The following SNCAIP variants were observed in gnomAD, a reference collection of about 807,000 sequenced individuals.
SNCAIP encodes synuclein alpha interacting protein.
In SNCAIP, 43 loss-of-function variants were observed where a neutral mutation model predicts 86.7. The ratio of observed to expected loss-of-function variants is 0.50; its 90% CI spans 0.39 to 0.64. SNCAIP has a LOEUF of 0.64. SNCAIP is among the 30% of genes least tolerant of loss of function. SNCAIP has a pLI of 0.00. For synonymous variants in SNCAIP, 417 were observed against 427.2 expected (o/e 0.98, Z 0.29); for missense variants, 981 against 1,103.1 (o/e 0.89, Z 1.57).
At chr5:122,359,005 G>A (rs1232486488) in intron 1 of SNCAIP, among the ~76,000 whole-genome samples, 1 of 151,314 alleles carries the variant, frequency 6.6e-6, no homozygotes, top group African/African-American at 2.4e-5. Flanking sequence ...CTTTTTAATG[G>A]TTTCTTAAAT....
intron 1 of SNCAIP, among the ~76,000 whole-genome samples, chr5:122,378,632 T>C (rs1251880650): frequency 7.2e-6 from 1 of 138,328 alleles, no homozygotes; most frequent in East Asian, 2.2e-4. Context: ...ATGTCCTGAA[T>C]GGTAATGCCT....
chr5:122,451,672 G>A lies in SNCAIP; in HGVS notation c.2754+71G>A, dbSNP rs140211426. The A allele has an allele frequency of 8.1e-5, 96 of 1,187,438 alleles. No homozygotes were observed. The African/African-American group carries it at 1.2e-3, about 14-fold the overall frequency. 73.6% of individuals were successfully genotyped at this position (1,187,438 alleles called of 1,614,324 possible). A position where few individuals can be genotyped will look rare whatever the true frequency, so the allele number is the denominator to read the frequency against. Reference sequence around the variant, plus strand: ...TATGTTGTTCCTAATATCACAGATTGTGGGCCCACACTACCTTGAGGGAAT... The same window carrying A: ...TATGTTGTTCCTAATATCACAGATTATGGGCCCACACTACCTTGAGGGAAT... On this transcript the variant is annotated intron_variant, in intron 10 of 10. Transcript: ENST00000261368.
chr5:122,418,969 T>G (rs547229492), intron 3 of SNCAIP, among the ~76,000 whole-genome samples: 1 of 152,060 alleles, frequency 6.6e-6, no homozygotes, highest in Admixed American at 6.5e-5. Context: ...TTAGTGATGA[T>G]GAAGAGGGCC....
intron 1 of SNCAIP, among the ~76,000 whole-genome samples, chr5:122,359,349 TTTTATTTATTTA>T (rs10528513): frequency 2.8e-5 from 4 of 142,182 alleles, no homozygotes; most frequent in South Asian, 2.3e-4. Flanking sequence ...AGATTTTTAT[TTTTATTTATTTA>T]TTTATTTATT....
intron 1 of SNCAIP, among the ~76,000 whole-genome samples, chr5:122,363,843 G>A (rs558345767): frequency 1.1e-4 from 16 of 149,030 alleles, no homozygotes; most frequent in Non-Finnish European, 2.1e-4. Context: ...TATTTTTAGA[G>A]ACAGGGTCTT....
chr5:122,427,952 C>A (rs1016757770), intron 5 of SNCAIP, among the ~76,000 whole-genome samples: 23 of 152,116 alleles, frequency 1.5e-4, no homozygotes, highest in African/African-American at 5.3e-4. Flanking sequence ...AATTTATTCA[C>A]CACTTCTGGG....
intron 1 of SNCAIP, among the ~76,000 whole-genome samples, chr5:122,370,988 T>C (rs1174996192): frequency 1.3e-5 from 2 of 152,126 alleles, no homozygotes; most frequent in African/African-American, 2.4e-5. Context: ...GCCTGCTGTT[T>C]AGAGTTTTTC....
intron 1 of SNCAIP, among the ~76,000 whole-genome samples, chr5:122,352,679 A>G (rs978795270): frequency 1.3e-5 from 2 of 152,208 alleles, no homozygotes; most frequent in Admixed American, 6.5e-5. Context: ...TTGGTTGTCC[A>G]TAGTCAATAT....
At chr5:122,462,397 A>G (rs1027819671) in intron 10 of SNCAIP, among the ~76,000 whole-genome samples, 9 of 151,626 alleles carry the variant, frequency 5.9e-5, no homozygotes, top group Non-Finnish European at 1.0e-4. Context: ...ATTTTATTTC[A>G]GTGTTATTTT....
At chr5:122,432,613 A>C (rs867908031) in intron 6 of SNCAIP, among the ~76,000 whole-genome samples, 1 of 152,174 alleles carries the variant, frequency 6.6e-6, no homozygotes, top group Non-Finnish European at 1.5e-5. Flanking sequence ...TAAAAGGAAA[A>C]TCTTTATAAG....
chr5:122,347,691 C>G lies in SNCAIP; in HGVS notation c.-47+35407C>G, dbSNP rs1561552765. Among the ~76,000 whole-genome samples the G allele has an allele frequency of 3.3e-5, 5 of 151,972 alleles. No individual in the cohort carries two copies. In the South Asian group the frequency reaches 1.0e-3, roughly 32 times the overall value. On this transcript the variant is annotated intron_variant, in intron 1 of 10. Transcript: ENST00000261368. ...TTCTAGAAATTCTTTTCATTTTCAACTAAAATAATGCATGTGACATGACAC... is the reference window on the plus strand; with the variant it reads ...TTCTAGAAATTCTTTTCATTTTCAAGTAAAATAATGCATGTGACATGACAC...
At chr5:122,332,941 T>A (rs947214688) in intron 1 of SNCAIP, among the ~76,000 whole-genome samples, 1 of 152,218 alleles carries the variant, frequency 6.6e-6, no homozygotes, top group Non-Finnish European at 1.5e-5. Flanking sequence ...TGCTAAATAG[T>A]ATTTGGTGAA....
intron 1 of SNCAIP, among the ~76,000 whole-genome samples, chr5:122,345,613 C>A (rs1280016955): frequency 6.6e-6 from 1 of 152,108 alleles, no homozygotes; most frequent in African/African-American, 2.4e-5. Context: ...TTATTCCCAT[C>A]CTCCGTTTAT....
intron 5 of SNCAIP, among the ~76,000 whole-genome samples, chr5:122,430,885 T>C (rs1033978615): frequency 5.3e-5 from 8 of 152,144 alleles, no homozygotes; most frequent in Non-Finnish European, 1.2e-4. Flanking sequence ...TTTTACTTTC[T>C]GTATCCATAG....
intron 4 of SNCAIP, among the ~76,000 whole-genome samples, chr5:122,424,277 T>C (rs771232591): frequency 2.0e-5 from 3 of 152,248 alleles, no homozygotes; most frequent in Non-Finnish European, 4.4e-5. Flanking sequence ...CAGCTCTGCA[T>C]GTCTAGGGAG....
chr5:122,359,361 A>ATTTATTTATTTATTTT (rs1554085994), intron 1 of SNCAIP, among the ~76,000 whole-genome samples: 1 of 149,232 alleles, frequency 6.7e-6, no homozygotes, highest in Non-Finnish European at 1.5e-5. Flanking sequence ...TTATTTATTT[A>ATTTATTTATTTATTTT]TTTATTTATT....
At chr5:122,322,725 A>T (rs10477630) in intron 1 of SNCAIP, among the ~76,000 whole-genome samples, 41,369 of 152,116 alleles carry the variant, frequency 0.27, 6,658 homozygotes, top group African/African-American at 0.46. Context: ...CTTGCCAATA[A>T]TTCCACAAAG....
chr5:122,324,023 A>G (rs1014739788), intron 1 of SNCAIP, among the ~76,000 whole-genome samples: 2 of 152,168 alleles, frequency 1.3e-5, no homozygotes, highest in Non-Finnish European at 2.9e-5. Context: ...AAAGATTGCT[A>G]TGTGCTATTT....
intron 1 of SNCAIP, among the ~76,000 whole-genome samples, chr5:122,367,500 C>A (rs1323639808): frequency 6.6e-6 from 1 of 152,070 alleles, no homozygotes; most frequent in East Asian, 1.9e-4. Context: ...GTTGGTGAGA[C>A]TTGAGGATGT....
Sources: gnomAD v4.1 joint callset for allele counts (sites outside exome capture counted in the v4.1 genomes callset) on GRCh38, gnomAD v4.1.1 for gene constraint, MANE v1.5 for transcripts, NCBI Gene and HGNC (gene_info 2026-07-23, HGNC 2026-07-21) for gene names.